The following DHX8 variants were observed in gnomAD, a reference collection of about 807,000 sequenced individuals.
DHX8 encodes the protein DEAH-box helicase 8.
DHX8 carries 67 observed loss-of-function variants against 140.7 expected under a neutral mutation model. The observed-to-expected ratio is 0.48, with a 90% CI of 0.39 to 0.58. The LOEUF is 0.58. Among genes scored for constraint, DHX8 ranks in the 20% least tolerant of loss-of-function variants. The pLI is 0.00. For missense variants in DHX8, 887 were observed against 1,550.7 expected, an observed-to-expected ratio of 0.57 and a Z score of 7.19; for synonymous variants, 533 against 553.2, an observed-to-expected ratio of 0.96 and a Z score of 0.51.
downstream of DHX8, chr17:43,529,084 T>G (rs1970742302): frequency 1.9e-6 from 3 of 1,563,754 alleles, no homozygotes; most frequent in East Asian, 4.5e-5. Flanking sequence ...CCAGTCAGCT[T>G]CTCACAGCCA....
At chr17:43,532,752 C>G (rs758300506) in intron 2 of DHX8, 2 of 1,614,070 alleles carry the variant, frequency 1.2e-6, no homozygotes, top group South Asian at 1.1e-5. Flanking sequence ...TTGACCCCAC[C>G]CTGGTCCACG....
intron 10 of DHX8, among the ~76,000 whole-genome samples, chr17:43,499,557 A>G (rs895306446): frequency 1.3e-5 from 2 of 152,216 alleles, no homozygotes; most frequent in East Asian, 1.9e-4. Flanking sequence ...GGTACATTTC[A>G]TCATGAGATG....
intron 1 of DHX8, among the ~76,000 whole-genome samples, chr17:43,488,497 G>C (rs1321907570): frequency 1.3e-5 from 2 of 151,586 alleles, no homozygotes; most frequent in Non-Finnish European, 2.9e-5. Flanking sequence ...TGTAGTCCCA[G>C]CTACTCGGGA....
Position 43,523,614 on chromosome 17 carries a change from C to T in DHX8, c.3444-14C>T. On this transcript the variant is annotated splice_polypyrimidine_tract_variant and intron_variant, in intron 22 of 22. Coordinates refer to ENST00000262415, the MANE Select transcript of DHX8 (RefSeq NM_004941.3). ...ATATCCAGAGGCTTGAGTACTATCT[C>T]TGTCCCCCCTCAGGGTGGTGTACCA... 6.2e-7 allele frequency: 1 copy of T among 1,613,830 alleles called. No individual in the cohort carries two copies. The highest frequency in any genetic ancestry group is 1.1e-5 in the South Asian group (1 of 91,050).
At chr17:43,536,688 C>T (rs1011513631) in intron 3 of DHX8, among the ~76,000 whole-genome samples, 2 of 152,278 alleles carry the variant, frequency 1.3e-5, no homozygotes, top group African/African-American at 4.8e-5. Context: ...CTTAAAATCA[C>T]AAACAAATCT....
chr17:43,500,909 C>T (rs1567683178), intron 11 of DHX8, among the ~76,000 whole-genome samples: 1 of 149,832 alleles, frequency 6.7e-6, no homozygotes, highest in Non-Finnish European at 1.5e-5. Context: ...GACTCCGTCT[C>T]AAAAAAAAAA....
At chr17:43,530,081 T>G (rs1486594494), downstream of DHX8, 3 of 1,609,320 alleles carry the variant, frequency 1.9e-6, no homozygotes, top group Non-Finnish European at 1.7e-6. Flanking sequence ...ATGGAGGGCT[T>G]GGCAGGGGAA....
At chr17:43,537,729 T>C (rs1167569447) in intron 3 of DHX8, among the ~76,000 whole-genome samples, 1 of 151,756 alleles carries the variant, frequency 6.6e-6, no homozygotes, top group Non-Finnish European at 1.5e-5. Context: ...GCATGGTGGC[T>C]CATGCCTGTA....
In DHX8 at chr17:43,524,174, T is replaced by C; in HGVS notation, c.*327T>C. The C allele has an allele frequency of 8.3e-7, 1 of 1,202,878 alleles. No homozygotes were observed. Among genetic ancestry groups the C allele is most frequent in the Non-Finnish European group, 1.0e-6 (1 of 956,886 alleles). The allele number at this position is 1,202,878 out of a possible 1,614,324, so 74.5% of individuals were successfully genotyped here. A position where few individuals can be genotyped will look rare whatever the true frequency, so the allele number is the denominator to read the frequency against. ...GAAGGTGGAGTGGGTGAGCATCTTG[T>C]GCAGGGACATGGTGAGTGCCCTGAT... On this transcript the variant is annotated 3_prime_UTR_variant, in exon 23 of 23. Coordinates refer to ENST00000262415, the MANE Select transcript of DHX8 (RefSeq NM_004941.3).
chr17:43,535,878 C>T (rs139885629), intron 2 of DHX8, among the ~76,000 whole-genome samples: 4 of 152,280 alleles, frequency 2.6e-5, no homozygotes, highest in East Asian at 1.9e-4. Context: ...TATGGGAGGC[C>T]GAGGTGGGCG....
At chr17:43,507,296 G>T in intron 13 of DHX8, 99 bp downstream of exon 13, 1 of 1,375,906 alleles carries the variant, frequency 7.3e-7, no homozygotes, top group Non-Finnish European at 9.9e-7. Flanking sequence ...CTTTTTTCAG[G>T]TTTCTCCTGA....
chr17:43,512,908 A>G (rs927633617), intron 16 of DHX8, among the ~76,000 whole-genome samples: 1 of 152,144 alleles, frequency 6.6e-6, no homozygotes. Context: ...CTTGTTCCAC[A>G]TACATATTCC....
chr17:43,533,270 A>G, intron 2 of DHX8: 1 of 1,613,822 alleles, frequency 6.2e-7, no homozygotes, highest in Non-Finnish European at 8.5e-7. Context: ...CTGCCCGGGG[A>G]AAGGGCTGTA....
intron 2 of DHX8, chr17:43,532,844 G>A (rs751109306): frequency 9.9e-6 from 16 of 1,613,552 alleles, no homozygotes; most frequent in East Asian, 8.9e-5. Flanking sequence ...GCAGGGCTCC[G>A]ACAGCTGGTG....
intron 9 of DHX8, 21 bp from the exon 10 acceptor site, chr17:43,498,841 T>G: frequency 6.3e-7 from 1 of 1,574,854 alleles, no homozygotes; most frequent in Non-Finnish European, 8.6e-7. Context: ...TGGCTAATTC[T>G]TCTTTTGGGG....
chr17:43,531,014 T>C (rs1386197432), downstream of DHX8, among the ~76,000 whole-genome samples: 1 of 152,256 alleles, frequency 6.6e-6, no homozygotes, highest in East Asian at 1.9e-4. Context: ...TCTACAGCCT[T>C]TGAAGGTCAG....
At chr17:43,540,960 G>T (rs1269697494) in intron 3 of DHX8, among the ~76,000 whole-genome samples, 2 of 152,162 alleles carry the variant, frequency 1.3e-5, no homozygotes, top group African/African-American at 4.8e-5. Context: ...GTAATGGGCT[G>T]GGGGTATCTC....
intron 3 of DHX8, among the ~76,000 whole-genome samples, chr17:43,540,162 C>T (rs1177614326): frequency 6.6e-6 from 1 of 152,176 alleles, no homozygotes; most frequent in Non-Finnish European, 1.5e-5. Context: ...TTGTTAAAAA[C>T]ACGATTACAG....
At chr17:43,523,494 G>C (rs1047178028) in intron 22 of DHX8, 134 bp from the exon 23 acceptor site, 1 of 1,382,928 alleles carries the variant, frequency 7.2e-7, no homozygotes, top group Non-Finnish European at 9.7e-7. Flanking sequence ...TAAACAGACT[G>C]CAGTCTTATA....
Sources: gnomAD v4.1 joint callset for allele counts (sites outside exome capture counted in the v4.1 genomes callset) on GRCh38, gnomAD v4.1.1 for gene constraint, MANE v1.5 for transcripts, NCBI Gene and HGNC (gene_info 2026-07-23, HGNC 2026-07-21) for gene names.